PCGF3: variants seen among roughly 807,000 people sequenced by gnomAD.
PCGF3 encodes the protein polycomb group RING finger protein 3.
PCGF3 carries 7 observed loss-of-function variants against 33.1 expected under a neutral mutation model. The observed-to-expected ratio is 0.21, with a 90% CI of 0.12 to 0.40. PCGF3 has a LOEUF of 0.40. PCGF3 is among the 10% of genes least tolerant of loss of function. The pLI is 1.00. For missense variants in PCGF3, 211 were observed against 313.3 expected, an observed-to-expected ratio of 0.67 and a Z score of 2.46; for synonymous variants, 153 against 121.3, an observed-to-expected ratio of 1.26 and a Z score of -1.72.
chr4:742,375 C>T (rs1316322882), intron 6 of PCGF3, among the ~76,000 whole-genome samples: 1 of 152,218 alleles, frequency 6.6e-6, no homozygotes, highest in Non-Finnish European at 1.5e-5. Context: ...AGAGCGTTTC[C>T]CTGGCCTGGC....
intron 7 of PCGF3, 79 bp from the exon 8 acceptor site, chr4:744,521 A>G: frequency 1.9e-6 from 2 of 1,074,462 alleles, no homozygotes; most frequent in South Asian, 1.4e-5. Context: ...TTTTGACGGC[A>G]TTTGGAGTAC....
exon 11 of PCGF3, chr4:769,690 G>A (rs888331559): frequency 2.0e-5 from 3 of 151,910 alleles, no homozygotes; most frequent in African/African-American, 4.8e-5. Context: ...TGAGGAACGA[G>A]CTGCAGTTTG....
intron 8 of PCGF3, among the ~76,000 whole-genome samples, chr4:760,986 C>T (rs1026211449): frequency 1.3e-5 from 2 of 152,204 alleles, no homozygotes; most frequent in Non-Finnish European, 2.9e-5. Context: ...GACCAAGAAC[C>T]CAGTGCCTGC....
At chr4:750,062 C>T (rs898331893) in intron 8 of PCGF3, among the ~76,000 whole-genome samples, 1 of 152,228 alleles carries the variant, frequency 6.6e-6, no homozygotes, top group Non-Finnish European at 1.5e-5. Flanking sequence ...GCCTCAGTCT[C>T]CCAAAGTGCC....
chr4:741,107 C>T (rs968761737), intron 6 of PCGF3, among the ~76,000 whole-genome samples: 9 of 152,212 alleles, frequency 5.9e-5, no homozygotes, highest in Admixed American at 4.6e-4. Flanking sequence ...AAACAGCCGA[C>T]GATGGAGTCA....
intron 1 of PCGF3, among the ~76,000 whole-genome samples, chr4:722,056 G>A (rs776120857): frequency 1.3e-5 from 2 of 152,150 alleles, no homozygotes; most frequent in Admixed American, 6.5e-5. Flanking sequence ...AGCACATCGC[G>A]TAGTGCAGGA....
intron 5 of PCGF3, among the ~76,000 whole-genome samples, chr4:735,605 G>C (rs542861417): frequency 1.3e-5 from 2 of 152,226 alleles, no homozygotes; most frequent in African/African-American, 2.4e-5. Flanking sequence ...AGACCAAGTT[G>C]AATCTCATGA....
At chr4:737,187 A>G (rs556131910) in intron 5 of PCGF3, among the ~76,000 whole-genome samples, 2 of 152,106 alleles carry the variant, frequency 1.3e-5, no homozygotes, top group African/African-American at 4.8e-5. Context: ...GGACGTGGGG[A>G]ATCTGGGGTG....
intron 9 of PCGF3, 55 bp downstream of exon 9, chr4:761,471 G>A (rs953444687): frequency 1.3e-6 from 2 of 1,487,368 alleles, no homozygotes; most frequent in East Asian, 4.8e-5. Flanking sequence ...ATTTCTAAAG[G>A]TAACTCCAAG....
intron 4 of PCGF3, 129 bp downstream of exon 4, chr4:733,918 G>C: frequency 1.3e-6 from 2 of 1,569,270 alleles, no homozygotes; most frequent in Non-Finnish European, 1.7e-6. Context: ...CAGGACCAGG[G>C]GCAGAGACGA....
chr4:718,879 C>T (rs1742964537), intron 1 of PCGF3, among the ~76,000 whole-genome samples: 1 of 152,226 alleles, frequency 6.6e-6, no homozygotes, highest in Admixed American at 6.5e-5. Context: ...TCTTTCGAGT[C>T]ATGGACCCTT....
exon 11 of PCGF3, chr4:766,287 G>A: frequency 1.9e-6 from 1 of 536,560 alleles, no homozygotes; most frequent in South Asian, 2.2e-5. Flanking sequence ...CAGTCTCCCA[G>A]AGCCGATCGT....
intron 1 of PCGF3, among the ~76,000 whole-genome samples, chr4:715,356 T>C (rs13126245): frequency 0.46 from 39,982 of 87,228 alleles, 8,288 homozygotes; most frequent in South Asian, 0.58. Context: ...TGCTGGGACC[T>C]TGTAGACACT....
chr4:733,367 C>G (rs976842259), intron 3 of PCGF3, among the ~76,000 whole-genome samples: 2 of 152,228 alleles, frequency 1.3e-5, no homozygotes, highest in African/African-American at 4.8e-5. Flanking sequence ...TGCCTCTCTG[C>G]AGCTTTATGG....
In PCGF3 at chr4:740,899, T is replaced by C. The variant is rs552190918; in HGVS notation, c.263-2575T>C. Among the ~76,000 whole-genome samples, 7 of 152,308 alleles carry C rather than the reference T, an allele frequency of 4.6e-5. No individual in the cohort carries two copies. In the South Asian group the frequency reaches 1.4e-3, roughly 32 times the overall value. On this transcript the variant is annotated intron_variant, in intron 6 of 10. Transcript: ENST00000362003. ...CTGCCGGTGGCTTTGGGCAGCCCTC[T>C]GCACCGTGGCTGGAACTCATCGTCA...
At chr4:727,931 C>T (rs1245016611) in intron 1 of PCGF3, among the ~76,000 whole-genome samples, 2 of 152,156 alleles carry the variant, frequency 1.3e-5, no homozygotes, top group East Asian at 3.9e-4. Context: ...TCTGGTGAAA[C>T]CACCTGCATC....
chr4:710,259 T>C (rs1176264530), intron 1 of PCGF3, among the ~76,000 whole-genome samples: 1 of 152,224 alleles, frequency 6.6e-6, no homozygotes, highest in Non-Finnish European at 1.5e-5. Context: ...AGCCAGGCTG[T>C]GTCACGTGAC....
intron 9 of PCGF3, chr4:764,685 T>TTGTGCC (rs1216792808): frequency 6.3e-6 from 2 of 318,438 alleles, no homozygotes; most frequent in Non-Finnish European, 1.2e-5. Context: ...TGCAAGGAGC[T>TTGTGCC]TGTGCCTGCG....
chr4:761,838 A>G (rs1404707821), intron 9 of PCGF3: 3 of 985,306 alleles, frequency 3.0e-6, no homozygotes, highest in Non-Finnish European at 3.6e-6. Flanking sequence ...CACCATGAAC[A>G]TGCCAGTGTG....
Sources: gnomAD v4.1 joint callset for allele counts (sites outside exome capture counted in the v4.1 genomes callset) on GRCh38, gnomAD v4.1.1 for gene constraint, MANE v1.5 for transcripts, NCBI Gene and HGNC (gene_info 2026-07-23, HGNC 2026-07-21) for gene names.